RNMT: variants seen among roughly 807,000 people sequenced by gnomAD.
RNMT encodes mRNA cap guanine-N(7) methyltransferase.
Under a neutral mutation model 56.0 loss-of-function variants are expected in RNMT, and 27 were observed. That is an observed-to-expected ratio of 0.48 (90% CI 0.36 to 0.67). The LOEUF (loss-of-function observed/expected upper bound fraction) is 0.67. Ranked by LOEUF, RNMT falls within the 30% of genes least tolerant of loss-of-function variation. RNMT has a pLI of 0.00. For synonymous variants in RNMT, 184 were observed against 176.2 expected, an observed-to-expected ratio of 1.04 and a Z score of -0.35; for missense variants, 519 against 552.1, an observed-to-expected ratio of 0.94 and a Z score of 0.60.
intron 11 of RNMT, among the ~76,000 whole-genome samples, chr18:13,754,783 C>G (rs1051134320): frequency 6.6e-6 from 1 of 152,172 alleles, no homozygotes; most frequent in African/African-American, 2.4e-5. Context: ...AGAATACTTG[C>G]ATGTCTTTTT....
chr18:13,759,578 CTTTG>C (rs1447624328), intron 11 of RNMT, among the ~76,000 whole-genome samples: 2 of 151,590 alleles, frequency 1.3e-5, no homozygotes, highest in African/African-American at 4.8e-5. Flanking sequence ...TTCTAGTTTT[CTTTG>C]TTATACTTAT....
chr18:13,752,480 T>C, intron 10 of RNMT, 53 bp downstream of exon 10: 1 of 1,068,876 alleles, frequency 9.4e-7, no homozygotes, highest in Non-Finnish European at 1.4e-6. Context: ...AAGAACATGC[T>C]TATATGGAGA....
Position 13,756,054 on chromosome 18 carries a change from C to T in RNMT, c.1393+1907C>T, listed in dbSNP as rs530443745. On this transcript the variant is annotated intron_variant, in intron 11 of 11. Transcript: ENST00000383314. ...AAGCTAGAGGGCTTCGTGGGTTGAG[C>T]GTATTTTGCATGCCATCACGAGTCT... is the stretch of plus-strand genomic sequence containing the variant. Among the ~76,000 whole-genome samples, 9 of 152,212 alleles carry T rather than the reference C, an allele frequency of 5.9e-5. No individual in the cohort carries two copies. The South Asian group carries it at 1.5e-3, about 25-fold the overall frequency.
chr18:13,737,965 A>G (rs1162618347), intron 5 of RNMT, among the ~76,000 whole-genome samples: 1 of 148,384 alleles, frequency 6.7e-6, no homozygotes, highest in Non-Finnish European at 1.5e-5. Context: ...TTTTTTTGCT[A>G]CGGAAGCCAT....
chr18:13,740,457 C>T (rs1008558125), intron 6 of RNMT, among the ~76,000 whole-genome samples, 178 bp downstream of exon 6: 23 of 152,178 alleles, frequency 1.5e-4, no homozygotes, highest in African/African-American at 4.8e-4. Flanking sequence ...CTTACTGCAA[C>T]CTCTGCCTCC....
At chr18:13,743,970 A>G (rs1046207545) in intron 8 of RNMT, among the ~76,000 whole-genome samples, 2 of 152,040 alleles carry the variant, frequency 1.3e-5, no homozygotes, top group African/African-American at 4.8e-5. Context: ...AATTTTTAAA[A>G]CTAATAAACT....
rs2044655926 is a variant in RNMT, at chr18:13,764,448, C to T, written c.*4469C>T. 1 of 152,132 alleles carries T rather than the reference C, an allele frequency of 6.6e-6. No homozygotes were observed. Among genetic ancestry groups the T allele is most frequent in the Non-Finnish European group, 1.5e-5 (1 of 68,034 alleles). The allele number at this position is 152,132 out of a possible 1,614,324, so 9.4% of individuals were successfully genotyped here. On this transcript the variant is annotated 3_prime_UTR_variant, in exon 12 of 12. Transcript: ENST00000383314. ...ATTCTTCGTATCTGGTTTCTTTTCA[C>T]CAATATTATGTTTGTGAGATTTTTG...
intron 11 of RNMT, among the ~76,000 whole-genome samples, chr18:13,756,633 G>A (rs2044548730): frequency 1.3e-5 from 2 of 152,174 alleles, no homozygotes; most frequent in Admixed American, 1.3e-4. Flanking sequence ...TGTGCTACTA[G>A]CCACATTTCA....
At chr18:13,737,239 G>C in intron 5 of RNMT, 104 bp downstream of exon 5, 2 of 1,067,228 alleles carry the variant, frequency 1.9e-6, no homozygotes, top group Non-Finnish European at 1.3e-6. Flanking sequence ...TGCATGAGAT[G>C]GGTTTTTTTT....
At chr18:13,729,081 T>G (rs2044025143) in intron 1 of RNMT, among the ~76,000 whole-genome samples, 1 of 152,248 alleles carries the variant, frequency 6.6e-6, no homozygotes, top group Non-Finnish European at 1.5e-5. Context: ...CCACAATGTT[T>G]TCTTCAAGTA....
chr18:13,761,642 G>C lies in RNMT; in HGVS notation c.*1663G>C. 9.9e-7 allele frequency: 1 copy of C among 1,005,708 alleles called. No individual in the cohort carries two copies. Among genetic ancestry groups the C allele is most frequent in the Non-Finnish European group, 1.2e-6 (1 of 842,042 alleles). 62.3% of individuals were successfully genotyped at this position (1,005,708 alleles called of 1,614,324 possible). A position where few individuals can be genotyped will look rare whatever the true frequency, so the allele number is the denominator to read the frequency against. On this transcript the variant is annotated 3_prime_UTR_variant, in exon 12 of 12. Transcript: ENST00000383314. ...ACAAAGCAGGGAGAACAGAAAGGTA[G>C]AGTTACTAAGGCCTTCAGTGAACAG...
chr18:13,728,312 TTTTTTTTTTTTTTTTTTTTGTGTG>T (rs2044000964), intron 1 of RNMT, among the ~76,000 whole-genome samples: 1 of 12,532 alleles, frequency 8.0e-5, no homozygotes, highest in South Asian at 1.9e-3. Context: ...TTTTTTTTTT[TTTTTTTTTTTTTTTTTTTTGTGTG>T]TGTGTGTGTG....
At chr18:13,737,563 C>G (rs937558916) in intron 5 of RNMT, among the ~76,000 whole-genome samples, 5 of 151,670 alleles carry the variant, frequency 3.3e-5, no homozygotes, top group African/African-American at 1.2e-4. Flanking sequence ...AAATTAGTTA[C>G]AAGACTTTCC....
intron 8 of RNMT, 42 bp downstream of exon 8, chr18:13,742,694 A>T: frequency 6.8e-7 from 1 of 1,460,470 alleles, no homozygotes; most frequent in Non-Finnish European, 9.3e-7. Context: ...TTTTTGTCTT[A>T]AGGGAAAGAA....
intron 4 of RNMT, among the ~76,000 whole-genome samples, chr18:13,735,406 A>G (rs1046873855): frequency 6.6e-6 from 1 of 151,802 alleles, no homozygotes; most frequent in African/African-American, 2.4e-5. Flanking sequence ...ACATTTTAAC[A>G]TTTTGTATAT....
intron 9 of RNMT, among the ~76,000 whole-genome samples, chr18:13,750,361 T>C (rs547033523): frequency 5.3e-5 from 8 of 152,326 alleles, no homozygotes; most frequent in South Asian, 4.1e-4. Flanking sequence ...TTAGCTCTTT[T>C]TATGACATCT....
At chr18:13,738,139 A>G (rs1357510179) in intron 5 of RNMT, among the ~76,000 whole-genome samples, 1 of 152,178 alleles carries the variant, frequency 6.6e-6, no homozygotes, top group Non-Finnish European at 1.5e-5. Context: ...CCAAATTAGC[A>G]GTTCTCAGAT....
chr18:13,740,531 C>G (rs2044235512), intron 6 of RNMT, among the ~76,000 whole-genome samples: 1 of 152,126 alleles, frequency 6.6e-6, no homozygotes, highest in Non-Finnish European at 1.5e-5. Flanking sequence ...GCACATGCCA[C>G]CACACCCAGC....
At chr18:13,751,962 G>A (rs1015110377) in intron 9 of RNMT, among the ~76,000 whole-genome samples, 6 of 151,898 alleles carry the variant, frequency 4.0e-5, no homozygotes, top group African/African-American at 1.2e-4. Flanking sequence ...ACACCGGGGG[G>A]CCTGTCATGG....
Sources: gnomAD v4.1 joint callset for allele counts (sites outside exome capture counted in the v4.1 genomes callset) on GRCh38, gnomAD v4.1.1 for gene constraint, MANE v1.5 for transcripts, NCBI Gene and HGNC (gene_info 2026-07-23, HGNC 2026-07-21) for gene names.